The following PLCB1 variants were observed in gnomAD, a reference collection of about 807,000 sequenced individuals.
PLCB1 encodes the protein 1-phosphatidylinositol 4,5-bisphosphate phosphodiesterase beta-1.
PLCB1 carries 46 observed loss-of-function variants against 161.8 expected under a neutral mutation model. The ratio of observed to expected loss-of-function variants is 0.28; its 90% CI spans 0.22 to 0.36. The LOEUF (loss-of-function observed/expected upper bound fraction) is 0.36. Ranked by LOEUF, PLCB1 falls within the 10% of genes least tolerant of loss-of-function variation. PLCB1 has a pLI of 1.00. For synonymous variants in PLCB1, 517 were observed against 503.7 expected, an observed-to-expected ratio of 1.03 and a Z score of -0.35; for missense variants, 1,016 against 1,472.5, an observed-to-expected ratio of 0.69 and a Z score of 5.07.
intron 3 of PLCB1, among the ~76,000 whole-genome samples, chr20:8,424,415 T>A (rs1979662652): frequency 6.6e-6 from 1 of 152,208 alleles, no homozygotes; most frequent in East Asian, 1.9e-4. Context: ...AATTACTTTT[T>A]TTTATTTCTA....
intron 3 of PLCB1, among the ~76,000 whole-genome samples, chr20:8,428,255 C>A (rs1979876065): frequency 6.6e-6 from 1 of 151,426 alleles, no homozygotes; most frequent in South Asian, 2.1e-4. Flanking sequence ...GAGTCTCACT[C>A]TGTTGCCCAG....
intron 3 of PLCB1, among the ~76,000 whole-genome samples, chr20:8,552,018 A>G (rs937792977): frequency 5.3e-5 from 8 of 152,198 alleles, no homozygotes; most frequent in African/African-American, 1.9e-4. Flanking sequence ...ATGTGTTACT[A>G]GTTGTTAAAA....
intron 2 of PLCB1, among the ~76,000 whole-genome samples, chr20:8,313,697 C>G (rs540153030): frequency 6.6e-6 from 1 of 152,296 alleles, no homozygotes; most frequent in South Asian, 2.1e-4. Flanking sequence ...CACATTTTCT[C>G]TCTGTTTTCT....
intron 3 of PLCB1, among the ~76,000 whole-genome samples, chr20:8,512,498 T>C (rs1392058722): frequency 6.6e-6 from 1 of 152,178 alleles, no homozygotes; most frequent in East Asian, 1.9e-4. Context: ...TTTAGATTCT[T>C]GGAGAAATTC....
intron 3 of PLCB1, among the ~76,000 whole-genome samples, chr20:8,402,638 G>T (rs2662987): frequency 0.25 from 37,159 of 149,736 alleles, 4,888 homozygotes; most frequent in Middle Eastern, 0.29. Context: ...ATGGAGACCA[G>T]CCTGGCTAAC....
At chr20:8,646,334 T>C (rs1228917798) in intron 5 of PLCB1, among the ~76,000 whole-genome samples, 153 bp downstream of exon 5, 1 of 152,226 alleles carries the variant, frequency 6.6e-6, no homozygotes, top group African/African-American at 2.4e-5. Flanking sequence ...ATACCTCCCC[T>C]GTTCAGAATT....
chr20:8,565,354 GC>G (rs1259863150), intron 3 of PLCB1, among the ~76,000 whole-genome samples: 2 of 152,012 alleles, frequency 1.3e-5, no homozygotes, highest in African/African-American at 2.4e-5. Context: ...GGGGGTTAGG[GC>G]ATGGATATCA....
chr20:8,409,690 T>C (rs1342533981), intron 3 of PLCB1, among the ~76,000 whole-genome samples: 1 of 151,998 alleles, frequency 6.6e-6, no homozygotes, highest in African/African-American at 2.4e-5. Flanking sequence ...CCCAAACTCC[T>C]GACCTCAGGT....
At chr20:8,648,344 C>T (rs887913985) in intron 6 of PLCB1, among the ~76,000 whole-genome samples, 24 of 152,030 alleles carry the variant, frequency 1.6e-4, no homozygotes, top group Non-Finnish European at 1.2e-4. Context: ...CTAACTGGAG[C>T]CAGGCAGGGA....
chr20:8,416,874 G>C (rs1276876036), intron 3 of PLCB1, among the ~76,000 whole-genome samples: 1 of 150,888 alleles, frequency 6.6e-6, no homozygotes, highest in Non-Finnish European at 1.5e-5. Context: ...GCTACGCATA[G>C]TGCTTTTGGG....
chr20:8,181,411 T>C (rs1048607979), intron 2 of PLCB1, among the ~76,000 whole-genome samples: 1 of 152,158 alleles, frequency 6.6e-6, no homozygotes, highest in African/African-American at 2.4e-5. Context: ...TTCTTTACCT[T>C]ATTGTTGAAA....
intron 31 of PLCB1, among the ~76,000 whole-genome samples, chr20:8,818,887 G>T (rs1408869235): frequency 1.3e-5 from 2 of 150,574 alleles, no homozygotes; most frequent in Non-Finnish European, 2.9e-5. Flanking sequence ...GCTGCAGTGA[G>T]CCAAGATTGT....
At chr20:8,367,089 C>T (rs965186603) in intron 2 of PLCB1, among the ~76,000 whole-genome samples, 3 of 152,114 alleles carry the variant, frequency 2.0e-5, no homozygotes, top group Admixed American at 6.5e-5. Context: ...AAATAGCAGT[C>T]GATGGCATTT....
chr20:8,719,215 T>C (rs1331883933), intron 14 of PLCB1, among the ~76,000 whole-genome samples: 1 of 152,186 alleles, frequency 6.6e-6, no homozygotes, highest in African/African-American at 2.4e-5. Flanking sequence ...AGTTATAAGT[T>C]AAACATAGGA....
intron 3 of PLCB1, among the ~76,000 whole-genome samples, chr20:8,561,600 G>C (rs1370622821): frequency 6.6e-6 from 1 of 151,848 alleles, no homozygotes; most frequent in Non-Finnish European, 1.5e-5. Context: ...AAAATAACAG[G>C]GTTTGTGATG....
intron 3 of PLCB1, among the ~76,000 whole-genome samples, chr20:8,623,064 C>A (rs2123203159): frequency 6.6e-6 from 1 of 152,246 alleles, no homozygotes; most frequent in Middle Eastern, 3.4e-3. Flanking sequence ...TGCCCTCCAG[C>A]AGCCCCTTAT....
chr20:8,322,457 TA>T (rs1303534138), intron 2 of PLCB1, among the ~76,000 whole-genome samples: 5 of 151,838 alleles, frequency 3.3e-5, no homozygotes, highest in African/African-American at 1.2e-4. Context: ...AGCTAAGGAG[TA>T]AAGTGTAAAA....
chr20:8,151,647 C>T (rs1233840986), intron 2 of PLCB1, among the ~76,000 whole-genome samples: 2 of 152,156 alleles, frequency 1.3e-5, no homozygotes, highest in African/African-American at 4.8e-5. Context: ...ATGTGTAAAA[C>T]AATGGCTTGC....
chr20:8,688,978 C>T (rs1012810033), intron 10 of PLCB1, among the ~76,000 whole-genome samples: 4 of 152,142 alleles, frequency 2.6e-5, no homozygotes, highest in African/African-American at 9.7e-5. Flanking sequence ...CATCCATGAG[C>T]ATGGGATGTG....
Sources: allele counts gnomAD v4.1 joint callset (sites outside exome capture counted in the v4.1 genomes callset), GRCh38; gene constraint gnomAD v4.1.1; transcripts MANE v1.5; gene names NCBI Gene and HGNC (gene_info 2026-07-23, HGNC 2026-07-21).